SNTG1: variants seen among roughly 807,000 people sequenced by gnomAD.
The protein encoded by SNTG1 is syntrophin gamma 1, also known as gamma-1-syntrophin.
A neutral mutation model predicts 74.7 loss-of-function variants in SNTG1; 39 were observed. That is an observed-to-expected ratio of 0.52 (90% CI 0.40 to 0.68). The LOEUF (loss-of-function observed/expected upper bound fraction) is 0.68, where lower values mean the gene tolerates loss of function less well. Among genes scored for constraint, SNTG1 ranks in the 30% least tolerant of loss-of-function variants. SNTG1 has a pLI of 0.00. For missense variants in SNTG1, 685 were observed against 609.5 expected (o/e 1.12, Z -1.30); for synonymous variants, 254 against 217.1 (o/e 1.17, Z -1.49).
At chr8:50,761,641 A>G (rs1322529739) in intron 18 of SNTG1, among the ~76,000 whole-genome samples, 1 of 150,132 alleles carries the variant, frequency 6.7e-6, no homozygotes, top group East Asian at 2.0e-4. Flanking sequence ...CTTTTTAATT[A>G]TCTTGTCTTA....
At chr8:50,695,587 C>T (rs980131325) in intron 15 of SNTG1, among the ~76,000 whole-genome samples, 19 of 151,638 alleles carry the variant, frequency 1.3e-4, no homozygotes, top group Admixed American at 3.3e-4. Flanking sequence ...GCGCCTATTA[C>T]CCAAATAGGT....
At chr8:50,237,188 G>A (rs1184867620) in intron 2 of SNTG1, among the ~76,000 whole-genome samples, 1 of 151,690 alleles carries the variant, frequency 6.6e-6, no homozygotes, top group Non-Finnish European at 1.5e-5. Context: ...AACTTTGTCT[G>A]ATAGTGTTTC....
At chr8:50,674,587 GTCTA>G (rs1416076459) in intron 15 of SNTG1, among the ~76,000 whole-genome samples, 1 of 151,600 alleles carries the variant, frequency 6.6e-6, no homozygotes, top group African/African-American at 2.4e-5. Flanking sequence ...TTAGCTAGCA[GTCTA>G]TCTATTTTGT....
chr8:50,476,857 G>C (rs62515691), intron 8 of SNTG1, among the ~76,000 whole-genome samples: 23 of 145,958 alleles, frequency 1.6e-4, no homozygotes, highest in South Asian at 2.2e-4. Context: ...GACACACACA[G>C]ACACACACAC....
intron 2 of SNTG1, among the ~76,000 whole-genome samples, chr8:50,288,436 T>C (rs2088906243): frequency 6.6e-6 from 1 of 152,236 alleles, no homozygotes; most frequent in Non-Finnish European, 1.5e-5. Flanking sequence ...TATTTCCCTG[T>C]AGGTAAAGAC....
chr8:50,355,787 A>C (rs2091801199), intron 2 of SNTG1, among the ~76,000 whole-genome samples: 1 of 152,196 alleles, frequency 6.6e-6, no homozygotes, highest in African/African-American at 2.4e-5. Flanking sequence ...AGACAATAAA[A>C]CCCTCATTTT....
chr8:50,299,290 A>G (rs2089535613), intron 2 of SNTG1, among the ~76,000 whole-genome samples: 3 of 152,114 alleles, frequency 2.0e-5, no homozygotes, highest in Admixed American at 2.0e-4. Flanking sequence ...CTTGGACTCA[A>G]AATACCCTCC....
At chr8:50,612,080 C>G (rs2094854436) in intron 13 of SNTG1, among the ~76,000 whole-genome samples, 2 of 152,092 alleles carry the variant, frequency 1.3e-5, no homozygotes, top group African/African-American at 4.8e-5. Flanking sequence ...TTAAAACAAA[C>G]AAACAAAAAA....
In SNTG1 at chr8:50,406,750, G is replaced by A. The variant is rs545034398; in HGVS notation, c.162+4406G>A. Among the ~76,000 whole-genome samples, 62 of 152,178 alleles carry A rather than the reference G, an allele frequency of 4.1e-4. No homozygotes were observed. In the Middle Eastern group the frequency reaches 0.02, roughly 50 times the overall value. ...TGAGGCAGTTTTGAATGTTATCATC[G>A]AAAGGTATTGAAGTTTGTCAAATGC... On this transcript the variant is annotated intron_variant, in intron 4 of 18. Transcript: ENST00000642720.
intron 2 of SNTG1, among the ~76,000 whole-genome samples, chr8:50,209,884 G>A (rs893953373): frequency 6.6e-6 from 1 of 151,810 alleles, no homozygotes; most frequent in Non-Finnish European, 1.5e-5. Flanking sequence ...ACTTTGTTGA[G>A]TTGAGAGAAG....
At chr8:50,439,684 T>C (rs1395982760) in intron 5 of SNTG1, among the ~76,000 whole-genome samples, 2 of 150,428 alleles carry the variant, frequency 1.3e-5, no homozygotes, top group African/African-American at 4.9e-5. Context: ...GAGAATTTAA[T>C]CACTCAATAA....
intron 15 of SNTG1, among the ~76,000 whole-genome samples, chr8:50,697,228 G>A (rs1268503887): frequency 6.6e-6 from 1 of 151,796 alleles, no homozygotes; most frequent in South Asian, 2.1e-4. Flanking sequence ...CCTTTCAACT[G>A]CATTATTGTT....
chr8:50,771,954 T>A (rs1369017139), intron 18 of SNTG1, among the ~76,000 whole-genome samples: 1 of 152,094 alleles, frequency 6.6e-6, no homozygotes, highest in Non-Finnish European at 1.5e-5. Flanking sequence ...CAAGCCTTTA[T>A]TGACTGAGAT....
At chr8:50,175,803 A>AT (rs1224693411) in intron 2 of SNTG1, among the ~76,000 whole-genome samples, 3 of 152,234 alleles carry the variant, frequency 2.0e-5, no homozygotes, top group Non-Finnish European at 4.4e-5. Flanking sequence ...ATATTTTGTT[A>AT]TTTTTTAAAA....
chr8:50,069,949 A>C (rs1821220059), intron 1 of SNTG1, among the ~76,000 whole-genome samples: 3 of 152,054 alleles, frequency 2.0e-5, no homozygotes. Context: ...CTGTGAGCGC[A>C]AGTCAGGCTG....
intron 2 of SNTG1, among the ~76,000 whole-genome samples, chr8:50,233,601 TAAG>T (rs1271269782): frequency 6.6e-6 from 1 of 151,394 alleles, no homozygotes; most frequent in East Asian, 1.9e-4. Context: ...AAAATTCTGT[TAAG>T]AAGATGAAAG....
Position 50,002,118 on chromosome 8 carries a change from A to G in SNTG1, c.-103+89887A>G, listed in dbSNP as rs1319131686. 2.0e-5 allele frequency among the ~76,000 whole-genome samples: 3 copies of G among 152,206 alleles called. No individual in the cohort carries two copies. In the East Asian group the frequency reaches 5.8e-4, roughly 29 times the overall value. ...AAAAGTCTTATTACTGAATCTCTAG[A>G]AACTATGAAGAAACAAAGGTAAATT... On this transcript the variant is annotated intron_variant, in intron 1 of 18. Transcript: ENST00000642720.
intron 1 of SNTG1, among the ~76,000 whole-genome samples, chr8:50,112,986 G>A (rs1056016233): frequency 1.3e-5 from 2 of 152,164 alleles, no homozygotes; most frequent in South Asian, 2.1e-4. Flanking sequence ...TGCTGTTTTG[G>A]TTACTGTAGC....
intron 1 of SNTG1, among the ~76,000 whole-genome samples, chr8:50,127,459 T>C (rs1349823834): frequency 6.6e-6 from 1 of 152,108 alleles, no homozygotes; most frequent in Non-Finnish European, 1.5e-5. Context: ...GTCCTTTTCA[T>C]CAAAATGGTT....
Sources: gnomAD v4.1 joint callset for allele counts (sites outside exome capture counted in the v4.1 genomes callset) on GRCh38, gnomAD v4.1.1 for gene constraint, MANE v1.5 for transcripts, NCBI Gene and HGNC (gene_info 2026-07-23, HGNC 2026-07-21) for gene names.